Variants in SLC9D1 observed in about 807,000 individuals in gnomAD.
SLC9D1 encodes the protein solute carrier family 9 member D1, also known as putative LAG1-interacting protein.
chr13:113,547,277 CGT>C, the SLC9D1 span: 1,667 of 1,600,894 alleles, frequency 1.0e-3, 14 homozygotes, highest in African/African-American at 0.02. Context: ...GCGGTCGTAA[CGT>C]GTCTGTCCTG....
the SLC9D1 span, among the ~76,000 whole-genome samples, chr13:113,532,446 A>G: frequency 8.2e-5 from 12 of 145,672 alleles, no homozygotes; most frequent in African/African-American, 3.4e-4. Flanking sequence ...GTGGAAGGGC[A>G]TGGCAGGGCA....
the SLC9D1 span, among the ~76,000 whole-genome samples, chr13:113,544,390 G>A: frequency 7.2e-5 from 11 of 152,212 alleles, no homozygotes; most frequent in South Asian, 4.1e-4. Context: ...TCTCGTGGAC[G>A]GCACGTGGCA....
chr13:113,509,778 C>A, the SLC9D1 span, among the ~76,000 whole-genome samples: 1 of 152,194 alleles, frequency 6.6e-6, no homozygotes, highest in African/African-American at 2.4e-5. Flanking sequence ...CTTTCTTCCA[C>A]CTTCCCGTCT....
At chr13:113,524,848 T>G in the SLC9D1 span, among the ~76,000 whole-genome samples, 1 of 152,194 alleles carries the variant, frequency 6.6e-6, no homozygotes, top group Non-Finnish European at 1.5e-5. Flanking sequence ...GTCTCTGTAT[T>G]TTAATTGGTA....
the SLC9D1 span, chr13:113,536,659 C>T: frequency 5.1e-6 from 4 of 777,318 alleles, no homozygotes; most frequent in South Asian, 5.8e-5. Context: ...CAGCCCTCAC[C>T]GTGCACCTGC....
the SLC9D1 span, chr13:113,503,506 A>G: frequency 6.2e-7 from 1 of 1,612,036 alleles, no homozygotes; most frequent in South Asian, 1.1e-5. Context: ...TCTATTGTGC[A>G]AGTGGAGACA....
At chr13:113,544,871 A>G in the SLC9D1 span, among the ~76,000 whole-genome samples, 1 of 152,266 alleles carries the variant, frequency 6.6e-6, no homozygotes, top group South Asian at 2.1e-4. Context: ...AGCTCAGTCC[A>G]CAGCAGGTGT....
the SLC9D1 span, among the ~76,000 whole-genome samples, chr13:113,509,473 T>TGG: frequency 7.0e-6 from 1 of 142,506 alleles, no homozygotes; most frequent in Non-Finnish European, 1.5e-5. Context: ...GGCAGGCTTC[T>TGG]TGGGTGGGCT....
At chr13:113,536,688 C>T in the SLC9D1 span, 4 of 385,324 alleles carry the variant, frequency 1.0e-5, no homozygotes, top group Non-Finnish European at 1.4e-5. Context: ...GCTTGGGGTG[C>T]TGGGCCTTCT....
At chr13:113,505,568 A>G in the SLC9D1 span, 2 of 152,254 alleles carry the variant, frequency 1.3e-5, no homozygotes, top group Non-Finnish European at 2.9e-5. Flanking sequence ...GTGGGGAAAA[A>G]AGGAGCATGT....
the SLC9D1 span, among the ~76,000 whole-genome samples, chr13:113,510,619 C>A: frequency 0.19 from 28,167 of 152,114 alleles, 3,442 homozygotes; most frequent in African/African-American, 0.35. Flanking sequence ...CTCCTCCAAA[C>A]CTCCACTTCT....
At chr13:113,510,682 T>C in the SLC9D1 span, among the ~76,000 whole-genome samples, 1 of 152,120 alleles carries the variant, frequency 6.6e-6, no homozygotes, top group African/African-American at 2.4e-5. Flanking sequence ...CAGAGAGAAA[T>C]TGGACCAAGA....
chr13:113,516,247 C>A, the SLC9D1 span, among the ~76,000 whole-genome samples: 1 of 152,064 alleles, frequency 6.6e-6, no homozygotes, highest in African/African-American at 2.4e-5. Flanking sequence ...TCTACTTTTG[C>A]ATATGCTTGA....
chr13:113,495,162 ACT>A, the SLC9D1 span, among the ~76,000 whole-genome samples: 1 of 152,128 alleles, frequency 6.6e-6, no homozygotes, highest in South Asian at 2.1e-4. Flanking sequence ...ACCAACATGG[ACT>A]CTCTTAAATA....
chr13:113,517,640 G>A, the SLC9D1 span, among the ~76,000 whole-genome samples: 1 of 152,166 alleles, frequency 6.6e-6, no homozygotes, highest in African/African-American at 2.4e-5. Context: ...ATAATTTGCA[G>A]ATATAGTGGT....
the SLC9D1 span, among the ~76,000 whole-genome samples, chr13:113,533,471 T>C: frequency 1.3e-5 from 2 of 152,198 alleles, no homozygotes; most frequent in South Asian, 4.1e-4. Context: ...TAAGGTTAAA[T>C]ATAGGTATAT....
At chr13:113,544,075 C>A in the SLC9D1 span, among the ~76,000 whole-genome samples, 1 of 152,240 alleles carries the variant, frequency 6.6e-6, no homozygotes, top group Non-Finnish European at 1.5e-5. Context: ...CACTTCAGGG[C>A]GGCAGAAACC....
chr13:113,505,915 T>C, the SLC9D1 span: 2 of 152,276 alleles, frequency 1.3e-5, no homozygotes, highest in African/African-American at 4.8e-5. Context: ...CCCATTACTC[T>C]CCCTTTCCTG....
chr13:113,492,701 C>T, the SLC9D1 span, among the ~76,000 whole-genome samples: 3 of 152,144 alleles, frequency 2.0e-5, no homozygotes, highest in East Asian at 1.9e-4. Flanking sequence ...AGTTTGAGAC[C>T]AGCCTGGCCA....
Sources: gnomAD v4.1 joint callset for allele counts (sites outside exome capture counted in the v4.1 genomes callset) on GRCh38, gnomAD v4.1.1 for gene constraint, MANE v1.5 for transcripts, NCBI Gene and HGNC (gene_info 2026-07-23, HGNC 2026-07-21) for gene names.